Variants in NTM observed in about 807,000 individuals in gnomAD.
NTM encodes the protein neurotrimin, also known as IgLON family member 2.
A neutral mutation model predicts 42.1 loss-of-function variants in NTM; 13 were observed. The ratio of observed to expected loss-of-function variants is 0.31; its 90% CI spans 0.20 to 0.49. The LOEUF (loss-of-function observed/expected upper bound fraction) is 0.49. Among genes scored for constraint, NTM ranks in the 20% least tolerant of loss-of-function variants. The pLI, the probability that NTM is intolerant of heterozygous loss-of-function variation, is 0.99. For missense variants in NTM, 373 were observed against 452.8 expected (o/e 0.82, Z 1.60); for synonymous variants, 187 against 179.2 (o/e 1.04, Z -0.35).
chr11:131,563,618 C>G (rs372534246), intron 1 of NTM, among the ~76,000 whole-genome samples: 1 of 124,304 alleles, frequency 8.0e-6, no homozygotes, highest in African/African-American at 3.1e-5. Flanking sequence ...AGCACAGAAA[C>G]CAAATACCAC....
intron 1 of NTM, among the ~76,000 whole-genome samples, chr11:131,810,399 C>T (rs145672802): frequency 3.6e-4 from 55 of 152,294 alleles, no homozygotes; most frequent in Admixed American, 9.1e-4. Flanking sequence ...ACAGCAATAG[C>T]GTAGCCCTCT....
intron 2 of NTM, among the ~76,000 whole-genome samples, chr11:132,061,328 A>G (rs369714969): frequency 6.6e-6 from 1 of 152,334 alleles, no homozygotes; most frequent in East Asian, 1.9e-4. Flanking sequence ...TGTCTTTATC[A>G]ACACCTTAGG....
At chr11:131,953,081 G>A (rs944270659) in intron 2 of NTM, among the ~76,000 whole-genome samples, 12 of 152,082 alleles carry the variant, frequency 7.9e-5, no homozygotes, top group East Asian at 1.9e-4. Context: ...GGTAGAAAGC[G>A]CCGTGTTCAA....
intron 1 of NTM, among the ~76,000 whole-genome samples, chr11:131,547,926 A>AGGCTG (rs2054155971): frequency 6.6e-6 from 1 of 152,132 alleles, no homozygotes; most frequent in African/African-American, 2.4e-5. Context: ...CTGATTAGCC[A>AGGCTG]ATGCCTAGGA....
intron 2 of NTM, among the ~76,000 whole-genome samples, chr11:132,039,197 G>A (rs569832924): frequency 5.1e-4 from 77 of 152,116 alleles, no homozygotes; most frequent in Non-Finnish European, 1.0e-3. Flanking sequence ...TTGGACCGCA[G>A]TTGGCCCCAC....
intron 4 of NTM, among the ~76,000 whole-genome samples, chr11:132,272,259 T>TCA (rs2093517187): frequency 6.6e-6 from 1 of 152,162 alleles, no homozygotes; most frequent in South Asian, 2.1e-4. Context: ...TATGCCAGTA[T>TCA]CACAGTCTGG....
chr11:131,656,720 A>AG, intron 1 of NTM, among the ~76,000 whole-genome samples: 1 of 152,186 alleles, frequency 6.6e-6, no homozygotes, highest in Middle Eastern at 3.4e-3. Context: ...CTGCGCGCTG[A>AG]GCTCTGGCTT....
At chr11:132,277,047 T>G (rs1004529883) in intron 4 of NTM, among the ~76,000 whole-genome samples, 1 of 152,212 alleles carries the variant, frequency 6.6e-6, no homozygotes, top group African/African-American at 2.4e-5. Context: ...TTTCTAGCAG[T>G]GCTTTGTAAA....
intron 3 of NTM, among the ~76,000 whole-genome samples, chr11:132,153,049 C>G (rs2072331988): frequency 6.6e-6 from 1 of 152,166 alleles, no homozygotes; most frequent in Non-Finnish European, 1.5e-5. Flanking sequence ...CAAGCACTTA[C>G]AGAAGTCAGG....
At chr11:131,864,635 A>G (rs2046959678) in intron 1 of NTM, among the ~76,000 whole-genome samples, 1 of 152,192 alleles carries the variant, frequency 6.6e-6, no homozygotes, top group Non-Finnish European at 1.5e-5. Context: ...TCTTTTTCAC[A>G]GAAACAAAGA....
At position 132,149,231 on chromosome 11, in the gene NTM, C is replaced by CAAAAAAA. The variant is rs59485155; in HGVS notation, c.400+2726_400+2732dup. 8.7e-3 allele frequency among the ~76,000 whole-genome samples: 1,074 copies of CAAAAAAA among 122,864 alleles called. 29 individuals are homozygous for CAAAAAAA. Among genetic ancestry groups the CAAAAAAA allele is most frequent in the African/African-American group, 0.032 (1,015 of 31,648 alleles). 80.6% of individuals were successfully genotyped at this position (122,864 alleles called of 152,430 possible). On this transcript the variant is annotated intron_variant, in intron 3 of 8. Transcript: ENST00000683400. ...GAGGATGCACCACCATCCTGGATTA[C>CAAAAAAA]AAAAAAAAAAAAAAAGGGAAAGAAA...
At chr11:131,556,338 T>C (rs2055407442) in intron 1 of NTM, among the ~76,000 whole-genome samples, 1 of 152,106 alleles carries the variant, frequency 6.6e-6, no homozygotes. Context: ...AGAAGAACAA[T>C]CTCCTCTATA....
At chr11:131,775,742 T>C (rs1434395297) in intron 1 of NTM, among the ~76,000 whole-genome samples, 1 of 152,210 alleles carries the variant, frequency 6.6e-6, no homozygotes, top group African/African-American at 2.4e-5. Flanking sequence ...ATATTTATTC[T>C]AGGAGCTTTT....
rs903022083 is a variant in NTM at position 132,149,887 on chromosome 11, A to T, written c.400+3373A>T. On this transcript the variant is annotated intron_variant, in intron 3 of 8. Coordinates refer to ENST00000683400, the MANE Select transcript of NTM (RefSeq NM_001352005.2). Reference sequence around the variant, plus strand: ...TTAAATTTAAATTAGCTACAACCAAACAACATTTAAAATTTACTTCTTCAG... The same window carrying T: ...TTAAATTTAAATTAGCTACAACCAATCAACATTTAAAATTTACTTCTTCAG... 2.0e-5 allele frequency among the ~76,000 whole-genome samples: 3 copies of T among 152,318 alleles called. No homozygotes were observed. The South Asian group carries it at 6.2e-4, about 32-fold the overall frequency.
At chr11:132,228,311 G>A (rs2010921) in intron 4 of NTM, among the ~76,000 whole-genome samples, 35,228 of 152,126 alleles carry the variant, frequency 0.23, 4,951 homozygotes, top group Middle Eastern at 0.36. Context: ...AGGGGGCAGA[G>A]GAAGCAGGCA....
intron 1 of NTM, among the ~76,000 whole-genome samples, chr11:131,649,882 C>G (rs1016023314): frequency 3.3e-5 from 5 of 152,162 alleles, no homozygotes; most frequent in Non-Finnish European, 7.3e-5. Flanking sequence ...AGACTGACCC[C>G]CTTCCCACCT....
intron 1 of NTM, among the ~76,000 whole-genome samples, chr11:131,405,341 T>A (rs1945693172): frequency 6.6e-6 from 1 of 152,214 alleles, no homozygotes; most frequent in Non-Finnish European, 1.5e-5. Flanking sequence ...ATGGAAATTG[T>A]AGTCCAACTA....
intron 1 of NTM, chr11:131,777,242 G>A (rs889334260): frequency 6.4e-6 from 1 of 157,092 alleles, no homozygotes; most frequent in Admixed American, 6.5e-5. Flanking sequence ...ATGTTAAGGA[G>A]AAATACTAGG....
intron 1 of NTM, among the ~76,000 whole-genome samples, chr11:131,456,721 G>C (rs1046458744): frequency 6.6e-6 from 1 of 152,314 alleles, no homozygotes; most frequent in South Asian, 2.1e-4. Flanking sequence ...CTACTCGTAA[G>C]GGCTTGTGCA....
Sources: gnomAD v4.1 joint callset for allele counts (sites outside exome capture counted in the v4.1 genomes callset) on GRCh38, gnomAD v4.1.1 for gene constraint, MANE v1.5 for transcripts, NCBI Gene and HGNC (gene_info 2026-07-23, HGNC 2026-07-21) for gene names.